The following MAF variants were observed in gnomAD, a reference collection of about 807,000 sequenced individuals.
MAF encodes MAF bZIP transcription factor, also known as transcription factor Maf.
In MAF, 10 loss-of-function variants were observed where a neutral mutation model predicts 22.0. The ratio of observed to expected loss-of-function variants is 0.45; its 90% confidence interval spans 0.28 to 0.77. The LOEUF (loss-of-function observed/expected upper bound fraction) is 0.77. Ranked by LOEUF, MAF falls within the 30% of genes least tolerant of loss-of-function variation. The pLI, the probability that MAF is intolerant of heterozygous loss-of-function variation, is 0.12. For missense variants in MAF, 544 were observed against 548.4 expected, an observed-to-expected ratio of 0.99 and a Z score of 0.08; for synonymous variants, 337 against 255.8, an observed-to-expected ratio of 1.32 and a Z score of -3.03.
chr16:79,277,648 A>G, the MAF span, among the ~76,000 whole-genome samples: 1 of 152,226 alleles, frequency 6.6e-6, no homozygotes, highest in South Asian at 2.1e-4. Flanking sequence ...GGATGGCTTT[A>G]GGAATTGTAC....
the MAF span, among the ~76,000 whole-genome samples, chr16:79,348,539 A>T: frequency 6.6e-6 from 1 of 152,234 alleles, no homozygotes; most frequent in Non-Finnish European, 1.5e-5. Flanking sequence ...TTAGTGTGAT[A>T]AAAGGGGTTG....
chr16:79,275,729 T>A, the MAF span, among the ~76,000 whole-genome samples: 2 of 152,234 alleles, frequency 1.3e-5, no homozygotes, highest in African/African-American at 2.4e-5. Context: ...AGCCTCATGA[T>A]GTTTTACTTC....
the MAF span, among the ~76,000 whole-genome samples, chr16:79,324,112 T>G: frequency 6.6e-6 from 1 of 152,180 alleles, no homozygotes. Flanking sequence ...GAATTTTGCT[T>G]TTACATGACT....
At chr16:79,571,530 A>ATTTTTTTTTTTTTTTTTTT in the MAF span, among the ~76,000 whole-genome samples, 1 of 103,878 alleles carries the variant, frequency 9.6e-6, no homozygotes, top group Admixed American at 1.1e-4. Context: ...TCTCAGCGGA[A>ATTTTTTTTTTTTTTTTTTT]TTTTTTTTTT....
the MAF span, among the ~76,000 whole-genome samples, chr16:79,321,737 G>A: frequency 2.2e-5 from 3 of 137,908 alleles, no homozygotes; most frequent in Admixed American, 8.4e-5. Context: ...TGCAAGCTCT[G>A]CCTCCCAGGT....
the MAF span, among the ~76,000 whole-genome samples, chr16:79,314,856 C>T: frequency 6.6e-6 from 1 of 152,146 alleles, no homozygotes; most frequent in Non-Finnish European, 1.5e-5. Flanking sequence ...CCTGAGCCTC[C>T]TCAGGGAAAC....
the MAF span, among the ~76,000 whole-genome samples, chr16:79,348,280 C>T: frequency 6.6e-6 from 1 of 152,198 alleles, no homozygotes; most frequent in African/African-American, 2.4e-5. Context: ...AAATAAATTT[C>T]TTCTTATGAC....
the MAF span, among the ~76,000 whole-genome samples, chr16:79,290,001 C>T: frequency 2.0e-5 from 3 of 151,914 alleles, no homozygotes; most frequent in Non-Finnish European, 2.9e-5. Flanking sequence ...GGACTACAGG[C>T]GCCTGCCACC....
At chr16:79,262,931 G>A in the MAF span, among the ~76,000 whole-genome samples, 7 of 152,300 alleles carry the variant, frequency 4.6e-5, no homozygotes, top group Non-Finnish European at 4.4e-5. Context: ...TATGTTTGCA[G>A]CAGAGTAATG....
At chr16:79,496,123 A>C in the MAF span, among the ~76,000 whole-genome samples, 2 of 152,162 alleles carry the variant, frequency 1.3e-5, no homozygotes, top group Non-Finnish European at 2.9e-5. Flanking sequence ...TTATGAGATA[A>C]AAATGTTGCT....
the MAF span, among the ~76,000 whole-genome samples, chr16:79,514,283 C>G: frequency 2.6e-5 from 4 of 152,174 alleles, no homozygotes; most frequent in African/African-American, 9.7e-5. Flanking sequence ...ACCTATCATT[C>G]AAATGTGTAG....
the MAF span, among the ~76,000 whole-genome samples, chr16:79,478,568 T>G: frequency 6.6e-6 from 1 of 152,260 alleles, no homozygotes; most frequent in East Asian, 1.9e-4. Context: ...ATTTATAGGA[T>G]CTTGTACCAT....
the MAF span, among the ~76,000 whole-genome samples, chr16:79,320,921 G>A: frequency 6.6e-6 from 1 of 152,184 alleles, no homozygotes; most frequent in Middle Eastern, 3.2e-3. Flanking sequence ...GTGACGTTAA[G>A]AAACAGTCTG....
chr16:79,402,952 G>A, the MAF span, among the ~76,000 whole-genome samples: 34 of 152,158 alleles, frequency 2.2e-4, no homozygotes, highest in Non-Finnish European at 4.7e-4. Flanking sequence ...AGCCTTGGGA[G>A]TCCTTGCCCA....
the MAF span, among the ~76,000 whole-genome samples, chr16:79,391,875 G>A: frequency 7.8e-6 from 1 of 127,640 alleles, no homozygotes; most frequent in Non-Finnish European, 1.9e-5. Flanking sequence ...GGAGGAGAAG[G>A]AGGAGGAGGA....
At chr16:79,456,764 C>G in the MAF span, among the ~76,000 whole-genome samples, 1 of 152,166 alleles carries the variant, frequency 6.6e-6, no homozygotes, top group Admixed American at 6.5e-5. Context: ...CAAGTTCTGC[C>G]TCTCAGTGAA....
At chr16:79,305,804 G>A in the MAF span, among the ~76,000 whole-genome samples, 17 of 152,294 alleles carry the variant, frequency 1.1e-4, no homozygotes, top group African/African-American at 3.6e-4. Flanking sequence ...GGAGGCTTAC[G>A]AAATAGGGAT....
chr16:79,370,822 C>A, the MAF span, among the ~76,000 whole-genome samples: 1 of 152,178 alleles, frequency 6.6e-6, no homozygotes, highest in African/African-American at 2.4e-5. Flanking sequence ...CCCACCCTCC[C>A]TTTTCATAAT....
At chr16:79,224,321 T>C in the MAF span, among the ~76,000 whole-genome samples, 9 of 152,082 alleles carry the variant, frequency 5.9e-5, no homozygotes, top group East Asian at 1.5e-3. Flanking sequence ...CCCTTCATGC[T>C]AAAACTCTCA....
Sources: allele counts gnomAD v4.1 joint callset (sites outside exome capture counted in the v4.1 genomes callset), GRCh38; gene constraint gnomAD v4.1.1; transcripts MANE v1.5; gene names NCBI Gene and HGNC (gene_info 2026-07-23, HGNC 2026-07-21).